Variants in NF1 observed in about 807,000 individuals in gnomAD.
NF1 encodes neurofibromin.
Under a neutral mutation model 325.7 loss-of-function variants are expected in NF1, and 122 were observed. That is an observed-to-expected ratio of 0.37 (90% CI 0.32 to 0.44). NF1 has a LOEUF of 0.44. Among genes scored for constraint, NF1 ranks in the 20% least tolerant of loss-of-function variants. The pLI is 1.00. For synonymous variants in NF1, 1,091 were observed against 1,186.0 expected, an observed-to-expected ratio of 0.92 and a Z score of 1.65; for missense variants, 2,140 against 3,415.4, an observed-to-expected ratio of 0.63 and a Z score of 9.31.
At chr17:31,344,421 AAAGT>A (rs1437078676) in intron 48 of NF1, among the ~76,000 whole-genome samples, 1 of 152,258 alleles carries the variant, frequency 6.6e-6, no homozygotes, top group Non-Finnish European at 1.5e-5. Flanking sequence ...AAAGCAGGAT[AAAGT>A]AAGACCTGGG....
At chr17:31,275,475 A>G (rs2067988417) in intron 36 of NF1, among the ~76,000 whole-genome samples, 1 of 152,224 alleles carries the variant, frequency 6.6e-6, no homozygotes, top group African/African-American at 2.4e-5. Flanking sequence ...GTATATTGCT[A>G]TAACTTCTAT....
At chr17:31,192,374 T>C (rs1327305690) in intron 8 of NF1, among the ~76,000 whole-genome samples, 1 of 152,130 alleles carries the variant, frequency 6.6e-6, no homozygotes, top group East Asian at 1.9e-4. Flanking sequence ...ATTGGTTTGG[T>C]TTAGAAAGGC....
rs2151433911 is a variant in NF1 at position 31,232,187 on chromosome 17, T to A, written c.3312T>A (p.Leu1104=). The part of the protein sequence containing the change: ...ELMEAKSQLF[L]KYFTLFMNLL... ...TGGAAGCCAAATCACAGTTATTTCT[T>A]AAGTAAATTTCAGTCACCAAAAAAC... The change falls in exon 25 of 58, where the codon CTT becomes CTA. Residue 1104 remains leucine, a splice_region_variant and synonymous_variant. Coordinates refer to ENST00000358273, the MANE Select transcript of NF1 (RefSeq NM_001042492.3). The A allele has an allele frequency of 6.3e-7, 1 of 1,590,870 alleles. No homozygotes were observed. Among genetic ancestry groups the A allele is most frequent in the Non-Finnish European group, 8.6e-7 (1 of 1,159,224 alleles).
rs2151437777 is a variant in NF1 at position 31,235,639 on chromosome 17, T to C, written c.3737T>C (p.Leu1246Pro). 6.2e-7 allele frequency: 1 copy of C among 1,614,176 alleles called. No homozygotes were observed. Among genetic ancestry groups the C allele is most frequent in the Non-Finnish European group, 8.5e-7 (1 of 1,180,018 alleles). Residue 1246 changes from leucine (L) to proline (P), a missense_variant, in exon 28 of 58, where the codon CTG becomes CCG. Physicochemically the swap from Leu to Pro is moderately conservative, Grantham distance 98. Around this residue, in one of 10 missense-constraint regions of NF1, gnomAD observed 336 missense variants for 399.0 expected, o/e 0.84. Coordinates refer to ENST00000358273, the MANE Select transcript of NF1 (RefSeq NM_001042492.3). ...GAACTAGCTCGAGTTCTGGTTACTCTGTTTGATTCTCGGCATTTACTCTAC... is the reference window on the plus strand; with the variant it reads ...GAACTAGCTCGAGTTCTGGTTACTCCGTTTGATTCTCGGCATTTACTCTAC... ...WDELARVLVT[L>P]FDSRHLLYQL...
chr17:31,373,365 A>G (rs2070681465), intron 57 of NF1, among the ~76,000 whole-genome samples: 1 of 152,174 alleles, frequency 6.6e-6, no homozygotes, highest in Admixed American at 6.5e-5. Flanking sequence ...AGTTTCTGGT[A>G]TGATTTGGAG....
rs2070741806 is a variant in NF1 at position 31,377,050 on chromosome 17, T to C, written c.*2895T>C. Reference sequence around the variant, plus strand: ...AGGTTTTAGGGGTTTTCAGTTTTGTTTGGGTTTTTTGTTTTTTGTTTTTGT... The same window carrying C: ...AGGTTTTAGGGGTTTTCAGTTTTGTCTGGGTTTTTTGTTTTTTGTTTTTGT... On this transcript the variant is annotated 3_prime_UTR_variant, in exon 58 of 58. Coordinates refer to ENST00000358273, the MANE Select transcript of NF1 (RefSeq NM_001042492.3). The C allele has an allele frequency of 4.3e-6, 1 of 233,524 alleles. No homozygotes were observed. The highest frequency in any genetic ancestry group is 5.6e-5 in the Admixed American group (1 of 17,774). 14.5% of individuals were successfully genotyped at this position (233,524 alleles called of 1,614,324 possible). A position where few individuals can be genotyped will look rare whatever the true frequency, so the allele number is the denominator to read the frequency against.
rs926057051 is a variant in NF1, at chr17:31,094,995, T to G, written c.-315T>G. On this transcript the variant is annotated 5_prime_UTR_variant, in exon 1 of 58. An upstream start codon of the reference 5' UTR is lost. Coordinates refer to ENST00000358273, the MANE Select transcript of NF1 (RefSeq NM_001042492.3). Reference sequence around the variant, plus strand: ...GGATCCCACTTCCGGTGGGGTGTCATGGCGGCGTCTCGGACTGTGATGGCT... The same window carrying G: ...GGATCCCACTTCCGGTGGGGTGTCAGGGCGGCGTCTCGGACTGTGATGGCT... 3.7e-6 allele frequency: 2 copies of G among 541,012 alleles called. No individual in the cohort carries two copies. The highest frequency in any genetic ancestry group is 3.2e-5 in the East Asian group (1 of 30,886). 33.5% of individuals were successfully genotyped at this position (541,012 alleles called of 1,614,324 possible).
chr17:31,130,257 T>C lies in NF1; in HGVS notation c.61-25726T>C, dbSNP rs146654341. Among the ~76,000 whole-genome samples the C allele has an allele frequency of 2.7e-3, 408 of 152,214 alleles. 4 individuals are homozygous for C. The highest frequency in any genetic ancestry group is 9.5e-3 in the African/African-American group (396 of 41,538). The stretch of plus-strand genomic sequence containing the variant: ...GCCCCAGCTTTGTTCTCTGGTTCTT[T>C]AAGGTTAGGAACCTGCTGCACTGGA... On this transcript the variant is annotated intron_variant, in intron 1 of 57. Transcript: ENST00000358273.
intron 36 of NF1, among the ~76,000 whole-genome samples, chr17:31,310,760 G>T (rs1469346408): frequency 6.6e-6 from 1 of 151,864 alleles, no homozygotes; most frequent in Admixed American, 6.6e-5. Flanking sequence ...AAGCAAATTT[G>T]TCAGCCCTCA....
At chr17:31,307,963 T>C in intron 36 of NF1, 1 of 1,263,240 alleles carries the variant, frequency 7.9e-7, no homozygotes, top group South Asian at 1.2e-5. Flanking sequence ...AATGGCCCTG[T>C]TTTAGTAGAA....
intron 12 of NF1, among the ~76,000 whole-genome samples, chr17:31,208,907 CAAAA>C (rs1180976715): frequency 1.3e-5 from 2 of 151,924 alleles, no homozygotes; most frequent in African/African-American, 2.4e-5. Flanking sequence ...AAAAATCAAA[CAAAA>C]AAACTCACTA....
chr17:31,305,330 C>G, intron 36 of NF1: 1 of 1,614,130 alleles, frequency 6.2e-7, no homozygotes, highest in Non-Finnish European at 8.5e-7. Flanking sequence ...GAAGTATGTG[C>G]TTCTGGTTTT....
At chr17:31,330,762 CA>C (rs1186059778) in intron 39 of NF1, 6 of 379,574 alleles carry the variant, frequency 1.6e-5, no homozygotes, top group Non-Finnish European at 2.8e-5. Context: ...GGACCACTTA[CA>C]AAGTATTTTC....
intron 31 of NF1, chr17:31,254,273 C>CAAAAAA (rs35958218): frequency 1.3e-3 from 95 of 74,262 alleles, no homozygotes; most frequent in Non-Finnish European, 1.6e-3. Context: ...CCCTGTCTCA[C>CAAAAAA]AAAAAAAAAA....
intron 36 of NF1, among the ~76,000 whole-genome samples, chr17:31,292,842 A>T (rs1462481912): frequency 6.6e-6 from 1 of 152,138 alleles, no homozygotes; most frequent in African/African-American, 2.4e-5. Context: ...GACAGCATTG[A>T]GTTTTTGGTA....
At chr17:31,171,557 A>G (rs2065928713) in intron 5 of NF1, among the ~76,000 whole-genome samples, 1 of 152,222 alleles carries the variant, frequency 6.6e-6, no homozygotes, top group African/African-American at 2.4e-5. Context: ...CTTCTGTCCA[A>G]ATAAGAGAAA....
intron 36 of NF1, among the ~76,000 whole-genome samples, chr17:31,269,892 A>G (rs570998869): frequency 6.6e-6 from 1 of 152,326 alleles, no homozygotes; most frequent in South Asian, 2.1e-4. Flanking sequence ...GGCCTGGATC[A>G]TGTGCCCCTT....
At chr17:31,263,125 A>AGATAGATAGATAGAT (rs78971065) in intron 35 of NF1, among the ~76,000 whole-genome samples, 1,950 of 143,188 alleles carry the variant, frequency 0.014, 26 homozygotes, top group Non-Finnish European at 0.022. Context: ...ATAGATAGAT[A>AGATAGATAGATAGAT]AGATAAGATA....
chr17:31,317,967 C>T (rs899970341), intron 36 of NF1: 5 of 235,626 alleles, frequency 2.1e-5, no homozygotes, highest in African/African-American at 9.2e-5. Context: ...TACATTCAGA[C>T]AAAGATCATC....
Sources: gnomAD v4.1 joint callset for allele counts (sites outside exome capture counted in the v4.1 genomes callset) on GRCh38, gnomAD v4.1.1 for gene constraint, gnomAD v4.1.1 regional missense constraint, MANE v1.5 for transcripts, NCBI Gene and HGNC (gene_info 2026-07-23, HGNC 2026-07-21) for gene names.